The following PHTF2 variants were observed in gnomAD, a reference collection of about 807,000 sequenced individuals.
The protein encoded by PHTF2 is protein PHTF2.
PHTF2 carries 60 observed loss-of-function variants against 101.2 expected under a neutral mutation model. The observed-to-expected ratio is 0.59, with a 90% CI of 0.48 to 0.73. The LOEUF (loss-of-function observed/expected upper bound fraction) is 0.73, where lower values mean the gene tolerates loss of function less well. Ranked by LOEUF, PHTF2 falls within the 30% of genes least tolerant of loss-of-function variation. PHTF2 has a pLI of 0.00. For synonymous variants in PHTF2, 311 were observed against 307.3 expected, an observed-to-expected ratio of 1.01 and a Z score of -0.13; for missense variants, 747 against 908.7, an observed-to-expected ratio of 0.82 and a Z score of 2.29.
At chr7:77,803,670 TTGAC>T (rs1289629099) in intron 1 of PHTF2, among the ~76,000 whole-genome samples, 27 of 151,640 alleles carry the variant, frequency 1.8e-4, no homozygotes, top group East Asian at 9.7e-4. Context: ...TTGCAGTTAT[TTGAC>T]TGAGTTGAAC....
At chr7:77,838,997 GCATGCATGCTCCCACT>G (rs1215189088) in intron 1 of PHTF2, among the ~76,000 whole-genome samples, 3 of 152,114 alleles carry the variant, frequency 2.0e-5, no homozygotes, top group East Asian at 1.9e-4. Flanking sequence ...TGCTCAAAAA[GCATGCATGCTCCCACT>G]CATGCATGCT....
chr7:77,821,909 C>G (rs544365433), intron 1 of PHTF2, among the ~76,000 whole-genome samples: 29 of 152,294 alleles, frequency 1.9e-4, no homozygotes, highest in Admixed American at 7.2e-4. Context: ...CCAGGAGCAG[C>G]CTGCTGTGCC....
intron 3 of PHTF2, among the ~76,000 whole-genome samples, chr7:77,891,786 A>G (rs1450297847): frequency 6.6e-6 from 1 of 151,986 alleles, no homozygotes; most frequent in African/African-American, 2.4e-5. Context: ...AGGTCTCACT[A>G]CATTGCCAAG....
At chr7:77,816,611 TA>T (rs1482903381) in intron 1 of PHTF2, among the ~76,000 whole-genome samples, 1 of 152,234 alleles carries the variant, frequency 6.6e-6, no homozygotes, top group Non-Finnish European at 1.5e-5. Context: ...TATTTGCAAC[TA>T]TATATTATTG....
chr7:77,915,541 G>A (rs767010352), intron 9 of PHTF2, among the ~76,000 whole-genome samples: 3 of 151,986 alleles, frequency 2.0e-5, no homozygotes, highest in African/African-American at 7.2e-5. Flanking sequence ...GCTCAATTTG[G>A]TAAAAAGCTT....
intron 11 of PHTF2, among the ~76,000 whole-genome samples, chr7:77,928,089 ATGAT>A (rs1804226094): frequency 6.6e-6 from 1 of 152,190 alleles, no homozygotes; most frequent in East Asian, 1.9e-4. Flanking sequence ...GAAGGTATAA[ATGAT>A]AAAGTCTGAA....
chr7:77,819,780 A>G (rs939044575), intron 1 of PHTF2, among the ~76,000 whole-genome samples: 4 of 152,158 alleles, frequency 2.6e-5, no homozygotes, highest in Non-Finnish European at 5.9e-5. Context: ...GTCTGCTTCA[A>G]TTTTTTGGAA....
At chr7:77,811,869 G>T (rs1353397867) in intron 1 of PHTF2, among the ~76,000 whole-genome samples, 1 of 152,106 alleles carries the variant, frequency 6.6e-6, no homozygotes, top group African/African-American at 2.4e-5. Flanking sequence ...AAGTATATAT[G>T]TATACGGATG....
Position 77,873,974 on chromosome 7 carries a change from A to G in PHTF2, c.147+19140A>G, listed in dbSNP as rs562022284. ...GGCAATCTTAGCAGATTTGAGGCTC[A>G]GTATCTGCTTCTGAAGCCAGGAGAT... On this transcript the variant is annotated intron_variant, in intron 3 of 19. Coordinates refer to ENST00000416283, the Ensembl canonical transcript of PHTF2. Among the ~76,000 whole-genome samples the G allele has an allele frequency of 9.1e-4, 138 of 152,332 alleles. 1 individual carries two copies. Among genetic ancestry groups the G allele is most frequent in the African/African-American group, 2.5e-3 (103 of 41,574 alleles).
intron 9 of PHTF2, among the ~76,000 whole-genome samples, chr7:77,915,378 A>AT (rs1238887055): frequency 6.6e-6 from 1 of 151,560 alleles, no homozygotes; most frequent in Non-Finnish European, 1.5e-5. Flanking sequence ...CGCCCAGCTA[A>AT]TTTTTGTATT....
intron 5 of PHTF2, among the ~76,000 whole-genome samples, 184 bp downstream of exon 4, chr7:77,894,177 G>A (rs984522496): frequency 6.6e-6 from 1 of 152,120 alleles, no homozygotes; most frequent in African/African-American, 2.4e-5. Flanking sequence ...TTTGTAGTAG[G>A]CATTTTCTTC....
At chr7:77,910,038 C>T (rs1273799676) in intron 8 of PHTF2, 3 of 431,816 alleles carry the variant, frequency 6.9e-6, no homozygotes, top group Non-Finnish European at 1.2e-5. Context: ...CCACTATAAG[C>T]AAGGACCAAT....
At position 77,935,126 on chromosome 7, in the gene PHTF2, C is replaced by G. The variant is rs985734089; in HGVS notation, c.1339-2584C>G. 2.0e-3 allele frequency among the ~76,000 whole-genome samples: 131 copies of G among 66,072 alleles called. 5 individuals carry two copies. The South Asian group carries it at 0.044, about 22-fold the overall frequency. The allele number at this position is 66,072 out of a possible 152,430, so 43.3% of individuals were successfully genotyped here. A position where few individuals can be genotyped will look rare whatever the true frequency, so the allele number is the denominator to read the frequency against. ...ACTGTTTTTCAGTGTACATTCCCCCCCCCCACACACACACACAGAGGAATA... is the reference window on the plus strand; with the variant it reads ...ACTGTTTTTCAGTGTACATTCCCCCGCCCCACACACACACACAGAGGAATA... On this transcript the variant is annotated intron_variant, in intron 12 of 19. Transcript: ENST00000416283.
At chr7:77,887,027 C>A (rs73138439) in intron 3 of PHTF2, among the ~76,000 whole-genome samples, 32,953 of 141,948 alleles carry the variant, frequency 0.23, 3,973 homozygotes, top group South Asian at 0.3. Context: ...GTCTGGGTGA[C>A]AGAGTGAGAC....
intron 11 of PHTF2, chr7:77,923,799 T>C: frequency 1.0e-6 from 1 of 985,190 alleles, no homozygotes. Context: ...ATAAATTATT[T>C]AGCAGTAGCA....
At chr7:77,842,439 G>T (rs1466368111) in intron 2 of PHTF2, among the ~76,000 whole-genome samples, 13 of 152,042 alleles carry the variant, frequency 8.6e-5, no homozygotes, top group Admixed American at 8.5e-4. Context: ...TTAGGGAGTT[G>T]CCAGAACCAT....
chr7:77,889,581 T>C (rs541512650), intron 3 of PHTF2, among the ~76,000 whole-genome samples: 44 of 151,660 alleles, frequency 2.9e-4, no homozygotes, highest in African/African-American at 1.0e-3. Flanking sequence ...TATTTTCTTT[T>C]TTTTTTTTTT....
At chr7:77,847,638 A>G (rs1796407054) in intron 2 of PHTF2, among the ~76,000 whole-genome samples, 2 of 152,246 alleles carry the variant, frequency 1.3e-5, no homozygotes, top group South Asian at 4.1e-4. Flanking sequence ...ATTTTGATAC[A>G]AACATATAAT....
intron 12 of PHTF2, among the ~76,000 whole-genome samples, chr7:77,930,145 GCTT>G (rs978924304): frequency 6.6e-6 from 1 of 151,782 alleles, no homozygotes. Flanking sequence ...GTAGAGACAG[GCTT>G]TCACCATGTT....
Sources: gnomAD v4.1 joint callset for allele counts (sites outside exome capture counted in the v4.1 genomes callset) on GRCh38, gnomAD v4.1.1 for gene constraint, MANE v1.5 for transcripts, NCBI Gene and HGNC (gene_info 2026-07-23, HGNC 2026-07-21) for gene names.